Variants in DCTN4 observed in about 807,000 individuals in gnomAD.
DCTN4 encodes dynactin 4 (p62).
DCTN4 carries 23 observed loss-of-function variants against 62.7 expected under a neutral mutation model. The observed-to-expected ratio is 0.37, with a 90% CI of 0.26 to 0.52. The LOEUF is 0.52. Among genes scored for constraint, DCTN4 ranks in the 20% least tolerant of loss-of-function variants. The pLI, the probability that DCTN4 is intolerant of heterozygous loss-of-function variation, is 0.92. For synonymous variants in DCTN4, 199 were observed against 202.1 expected, an observed-to-expected ratio of 0.98 and a Z score of 0.13; for missense variants, 514 against 580.4, an observed-to-expected ratio of 0.89 and a Z score of 1.18.
intron 4 of DCTN4, among the ~76,000 whole-genome samples, chr5:150,741,338 A>G (rs968703707): frequency 6.6e-6 from 1 of 152,204 alleles, no homozygotes; most frequent in Non-Finnish European, 1.5e-5. Flanking sequence ...TATTTTGCAT[A>G]TATTTTAAAA....
At chr5:150,758,609 G>A in intron 1 of DCTN4, 1 of 1,224,082 alleles carries the variant, frequency 8.2e-7, no homozygotes, top group Non-Finnish European at 1.0e-6. Flanking sequence ...AGACAGACAC[G>A]GTCCCTAAGT....
At chr5:150,735,247 C>A (rs79445757) in intron 4 of DCTN4, among the ~76,000 whole-genome samples, 181 of 152,322 alleles carry the variant, frequency 1.2e-3, no homozygotes, top group African/African-American at 4.2e-3. Flanking sequence ...AAAAGAACAA[C>A]CCTGCCCTCA....
chr5:150,731,246 T>C, intron 6 of DCTN4, 90 bp from the exon 7 acceptor site: 2 of 1,006,572 alleles, frequency 2.0e-6, no homozygotes, highest in Middle Eastern at 4.2e-4. Context: ...ATATCAATAA[T>C]TGAAGTATTC....
chr5:150,733,208 T>C (rs923548306), intron 5 of DCTN4, among the ~76,000 whole-genome samples, 160 bp downstream of exon 5: 42 of 152,322 alleles, frequency 2.8e-4, no homozygotes, highest in African/African-American at 1.0e-3. Context: ...ACTAATGATA[T>C]AGCAAAAGCC....
intron 11 of DCTN4, among the ~76,000 whole-genome samples, chr5:150,717,628 C>A (rs939863621): frequency 4.6e-5 from 7 of 152,086 alleles, no homozygotes; most frequent in African/African-American, 1.7e-4. Context: ...TGATTTTAAA[C>A]GTATCATTTC....
chr5:150,730,953 C>T, intron 7 of DCTN4, 91 bp downstream of exon 7: 1 of 849,100 alleles, frequency 1.2e-6, no homozygotes, highest in Non-Finnish European at 1.9e-6. Context: ...AACAGCTATT[C>T]CATTAAAAAT....
rs1362011615 is a variant in DCTN4 at position 150,753,561 on chromosome 5, G to A, written c.303C>T (p.Thr101=). 3 of 1,614,130 alleles carry A rather than the reference G, an allele frequency of 1.9e-6. No individual in the cohort carries two copies. The highest frequency in any genetic ancestry group is 2.5e-6 in the Non-Finnish European group (3 of 1,180,014). ...STQLPDDPAK[T]TMKKAYYLAC... is the part of the protein sequence containing the mutation. ...CCAGGTAATAGGCTTTCTTCATGGT[G>A]GTCTTGGCTGGGTCATCTGGAAGCT... The change falls in exon 3 of 13, where the codon ACC becomes ACT. Residue 101 remains threonine (T), a synonymous_variant. Coordinates refer to ENST00000447998, the MANE Select transcript of DCTN4 (RefSeq NM_016221.4).
At chr5:150,715,697 G>A (rs1235923515) in intron 11 of DCTN4, 35 bp from the exon 12 acceptor site, 1 of 1,557,820 alleles carries the variant, frequency 6.4e-7, no homozygotes, top group Admixed American at 1.7e-5. Context: ...GCCTGAGAAG[G>A]GACCAGTGTG....
In DCTN4 at chr5:150,711,054, G is replaced by T; in HGVS notation, c.*95C>A. 1.7e-6 allele frequency: 2 copies of T among 1,205,670 alleles called. No individual in the cohort carries two copies. Among genetic ancestry groups the T allele is most frequent in the East Asian group, 2.4e-5 (1 of 41,380 alleles). 74.7% of individuals were successfully genotyped at this position (1,205,670 alleles called of 1,614,324 possible). A position where few individuals can be genotyped will look rare whatever the true frequency, so the allele number is the denominator to read the frequency against. On this transcript the variant is annotated 3_prime_UTR_variant, in exon 13 of 13. Coordinates refer to ENST00000447998, the MANE Select transcript of DCTN4 (RefSeq NM_016221.4). ...GAATTCCGTAGTGCATGGGTACATC[G>T]TTATAAACAAGGCCTAATGAAGCAG...
chr5:150,758,780 C>T, intron 1 of DCTN4, 79 bp downstream of exon 1: 1 of 1,565,698 alleles, frequency 6.4e-7, no homozygotes, highest in South Asian at 1.1e-5. Context: ...AAAATAGCTC[C>T]AGCCTTCCGG....
intron 9 of DCTN4, among the ~76,000 whole-genome samples, chr5:150,722,001 T>C (rs1759969702): frequency 6.6e-6 from 1 of 152,090 alleles, no homozygotes; most frequent in Non-Finnish European, 1.5e-5. Context: ...ATTTTAAAAA[T>C]TTTTTGTAGA....
chr5:150,756,390 G>C (rs780004821), intron 2 of DCTN4, 27 bp downstream of exon 2: 2 of 1,407,822 alleles, frequency 1.4e-6, no homozygotes, highest in Non-Finnish European at 1.9e-6. Context: ...AAAATAGGAA[G>C]AAAAAAAAAA....
At chr5:150,715,512 G>C in intron 12 of DCTN4, 53 bp downstream of exon 12, 3 of 1,360,022 alleles carry the variant, frequency 2.2e-6, no homozygotes, top group Non-Finnish European at 2.1e-6. Flanking sequence ...GATATAAGTG[G>C]GCATTCTATT....
chr5:150,715,375 CTCTGG>C (rs1383444506), intron 12 of DCTN4, among the ~76,000 whole-genome samples, 185 bp downstream of exon 12: 1 of 152,130 alleles, frequency 6.6e-6, no homozygotes, highest in Non-Finnish European at 1.5e-5. Context: ...TGGTGTTTAT[CTCTGG>C]TGGTGGGATA....
chr5:150,735,912 A>AC (rs1348293495), intron 4 of DCTN4, among the ~76,000 whole-genome samples: 1 of 135,918 alleles, frequency 7.4e-6, no homozygotes, highest in Non-Finnish European at 1.5e-5. Context: ...ACTTAAGGGA[A>AC]TTAAAAAAAA....
chr5:150,745,837 C>G (rs944155408), intron 3 of DCTN4, among the ~76,000 whole-genome samples: 3 of 151,872 alleles, frequency 2.0e-5, no homozygotes, highest in African/African-American at 7.3e-5. Flanking sequence ...CAAGAGAAAC[C>G]AGGAAAGATC....
At chr5:150,751,462 C>T (rs1004844605) in intron 3 of DCTN4, among the ~76,000 whole-genome samples, 7 of 152,008 alleles carry the variant, frequency 4.6e-5, no homozygotes, top group Non-Finnish European at 8.8e-5. Context: ...CTTGGATTTC[C>T]GGGCTGTTTC....
intron 12 of DCTN4, among the ~76,000 whole-genome samples, chr5:150,711,902 A>G (rs1759580423): frequency 6.6e-6 from 1 of 151,966 alleles, no homozygotes; most frequent in African/African-American, 2.4e-5. Flanking sequence ...GCTTTTTTTT[A>G]ACTCTGTTTA....
At chr5:150,742,207 A>G (rs1760794671) in intron 3 of DCTN4, 50 bp from the exon 4 acceptor site, 1 of 1,579,830 alleles carries the variant, frequency 6.3e-7, no homozygotes, top group East Asian at 2.2e-5. Context: ...TGATAATTTT[A>G]TTTTCATAAA....
Sources: gnomAD v4.1 joint callset for allele counts (sites outside exome capture counted in the v4.1 genomes callset) on GRCh38, gnomAD v4.1.1 for gene constraint, MANE v1.5 for transcripts, NCBI Gene and HGNC (gene_info 2026-07-23, HGNC 2026-07-21) for gene names.